The following PTPN3 variants were observed in gnomAD, a reference collection of about 807,000 sequenced individuals.
PTPN3 encodes the protein protein tyrosine phosphatase non-receptor type 3.
PTPN3 carries 96 observed loss-of-function variants against 132.7 expected under a neutral mutation model. The ratio of observed to expected loss-of-function variants is 0.72; its 90% confidence interval spans 0.61 to 0.86. The LOEUF is 0.86. Among genes scored for constraint, PTPN3 ranks in the 40% least tolerant of loss-of-function variants. The pLI is 0.00. For missense variants in PTPN3, 1,125 were observed against 1,159.6 expected (o/e 0.97, Z 0.43); for synonymous variants, 398 against 429.0 (o/e 0.93, Z 0.89).
chr9:109,405,215 A>C (rs913777135), intron 18 of PTPN3, among the ~76,000 whole-genome samples: 1 of 152,054 alleles, frequency 6.6e-6, no homozygotes, highest in Non-Finnish European at 1.5e-5. Context: ...CAAAGCTAGG[A>C]CCACCCCCCC....
chr9:109,498,981 C>G (rs1221900398), upstream of PTPN3, among the ~76,000 whole-genome samples: 1 of 152,138 alleles, frequency 6.6e-6, no homozygotes. The surrounding 1 kb of genome is among the most constrained non-coding windows in gnomAD (Gnocchi z 4.2). Flanking sequence ...TCGATTAGCC[C>G]TCTGCTCCTG....
intron 1 of PTPN3, among the ~76,000 whole-genome samples, chr9:109,485,514 A>AAAAT (rs967234592): frequency 6.6e-6 from 1 of 152,120 alleles, no homozygotes; most frequent in African/African-American, 2.4e-5. Context: ...TCTCAAGAAA[A>AAAAT]AAATAAATAA....
chr9:109,479,560 TG>T (rs1286796700), intron 1 of PTPN3, among the ~76,000 whole-genome samples: 1 of 152,240 alleles, frequency 6.6e-6, no homozygotes, highest in African/African-American at 2.4e-5. Flanking sequence ...CTGGGTCACA[TG>T]GTAGTTCTAT....
At chr9:109,511,462 C>T in the PTPN3 span, 2 of 153,548 alleles carry the variant, frequency 1.3e-5, no homozygotes, top group East Asian at 1.9e-4. Context: ...CATAGGACTT[C>T]GTTTTGCCAG....
chr9:109,377,439 C>CACACAG lies in PTPN3; in HGVS notation c.*2116_*2117insCTGTGT, dbSNP rs1838664938. On this transcript the variant is annotated 3_prime_UTR_variant, in exon 26 of 26. Coordinates refer to ENST00000374541, the MANE Select transcript of PTPN3 (RefSeq NM_002829.4). The stretch of plus-strand genomic sequence containing the variant: ...ACACACACACACACACACACACACA[C>CACACAG]ACACACACACACACACACAAGCCAG... The CACACAG allele has an allele frequency of 7.6e-6, 1 of 130,754 alleles. No homozygotes were observed. The highest frequency in any genetic ancestry group is 2.3e-4 in the East Asian group (1 of 4,348). 8.1% of individuals were successfully genotyped at this position (130,754 alleles called of 1,614,324 possible). A position where few individuals can be genotyped will look rare whatever the true frequency, so the allele number is the denominator to read the frequency against.
intron 12 of PTPN3, 136 bp downstream of exon 12, chr9:109,426,814 T>TG (rs1843313865): frequency 1.1e-6 from 1 of 952,030 alleles, no homozygotes; most frequent in African/African-American, 1.6e-5. Context: ...CTTTTAGTTA[T>TG]GGTTCAGAGA....
At chr9:109,483,149 T>C (rs1282080482) in intron 1 of PTPN3, among the ~76,000 whole-genome samples, 1 of 152,202 alleles carries the variant, frequency 6.6e-6, no homozygotes, top group African/African-American at 2.4e-5. Context: ...CATTCCCCCA[T>C]GGAGCCCTCC....
chr9:109,429,762 G>T (rs1843531463), intron 10 of PTPN3, among the ~76,000 whole-genome samples: 1 of 152,156 alleles, frequency 6.6e-6, no homozygotes, highest in Non-Finnish European at 1.5e-5. Flanking sequence ...TACACCAAGG[G>T]CTGACTATCA....
chr9:109,427,355 G>A (rs756866501), intron 11 of PTPN3, among the ~76,000 whole-genome samples: 3 of 152,170 alleles, frequency 2.0e-5, no homozygotes, highest in South Asian at 2.1e-4. Flanking sequence ...CATCATCTGC[G>A]CTTCTTCATG....
chr9:109,426,810 G>A (rs1843313125), intron 12 of PTPN3, 140 bp downstream of exon 12: 1 of 931,626 alleles, frequency 1.1e-6, no homozygotes, highest in Non-Finnish European at 1.6e-6. Context: ...GAGACTTTTA[G>A]TTATGGTTCA....
At chr9:109,499,552 C>T (rs77545950), upstream of PTPN3, among the ~76,000 whole-genome samples, 15 of 144,826 alleles carry the variant, frequency 1.0e-4, no homozygotes, top group Non-Finnish European at 2.2e-4. Flanking sequence ...GTCTTTACTG[C>T]AGTGACCCCC....
chr9:109,462,797 G>A (rs925550829), intron 2 of PTPN3, among the ~76,000 whole-genome samples: 1 of 151,988 alleles, frequency 6.6e-6, no homozygotes. Flanking sequence ...CACATTTAAC[G>A]AGCACATGCT....
Position 109,401,491 on chromosome 9 carries a change from A to T in PTPN3, c.1953+2957T>A, listed in dbSNP as rs186534653. Among the ~76,000 whole-genome samples the T allele has an allele frequency of 5.3e-5, 8 of 152,344 alleles. No homozygotes were observed. In the East Asian group the frequency reaches 1.2e-3, roughly 22 times the overall value. ...TCTCTAATGTCTTTGAAAACTTTTTAAAAAGTTGAACACTTTTCAAGGGAA... is the reference window on the plus strand; with the variant it reads ...TCTCTAATGTCTTTGAAAACTTTTTTAAAAGTTGAACACTTTTCAAGGGAA... On this transcript the variant is annotated intron_variant, in intron 19 of 25. Coordinates refer to ENST00000374541, the MANE Select transcript of PTPN3 (RefSeq NM_002829.4).
At chr9:109,434,504 C>T (rs1843887249) in intron 9 of PTPN3, among the ~76,000 whole-genome samples, 1 of 152,134 alleles carries the variant, frequency 6.6e-6, no homozygotes, top group African/African-American at 2.4e-5. Context: ...GATGGGGTCA[C>T]ACTATGTTGC....
At position 109,376,856 on chromosome 9, in the gene PTPN3, G is replaced by T. The variant is rs550977147; in HGVS notation, c.*2700C>A. On this transcript the variant is annotated 3_prime_UTR_variant, in exon 26 of 26. Transcript: ENST00000374541. ...CTCTTTTAGGTAATTCTCTTGTCTT[G>T]TTCTTCCCAGTATTTCCTGGATTTG... 13 of 152,328 alleles carry T rather than the reference G, an allele frequency of 8.5e-5. No homozygotes were observed. The highest frequency in any genetic ancestry group is 3.1e-4 in the African/African-American group (13 of 41,586). 9.4% of individuals were successfully genotyped at this position (152,328 alleles called of 1,614,324 possible). A position where few individuals can be genotyped will look rare whatever the true frequency, so the allele number is the denominator to read the frequency against.
chr9:109,386,907 G>A (rs1163513577), intron 22 of PTPN3, among the ~76,000 whole-genome samples: 1 of 152,208 alleles, frequency 6.6e-6, no homozygotes. Context: ...GGAGGCTGCT[G>A]CTGCTGCTCC....
chr9:109,438,698 T>C (rs1319997021), intron 7 of PTPN3, among the ~76,000 whole-genome samples: 1 of 152,070 alleles, frequency 6.6e-6, no homozygotes, highest in Admixed American at 6.5e-5. Flanking sequence ...AAAAACTGGG[T>C]GTAGGCAGAA....
At position 109,379,314 on chromosome 9, in the gene PTPN3, G is replaced by A. The variant is rs796945062; in HGVS notation, c.*242C>T. On this transcript the variant is annotated 3_prime_UTR_variant, in exon 26 of 26. Coordinates refer to ENST00000374541, the MANE Select transcript of PTPN3 (RefSeq NM_002829.4). ...AAGGCATTAGGACAGGCCCCAAACT[G>A]AGATCCTTTTTGTATCTTTCCATAG... 5.7e-5 allele frequency: 29 copies of A among 508,166 alleles called. 1 individual carries two copies. The highest frequency in any genetic ancestry group is 5.4e-4 in the African/African-American group (28 of 51,896). The allele number at this position is 508,166 out of a possible 1,614,324, so 31.5% of individuals were successfully genotyped here.
chr9:109,415,028 G>A (rs985668021), intron 14 of PTPN3, among the ~76,000 whole-genome samples: 3 of 151,726 alleles, frequency 2.0e-5, no homozygotes, highest in East Asian at 1.9e-4. Flanking sequence ...CCATTTGTCC[G>A]TCTGTCCGTC....
Sources: allele counts gnomAD v4.1 joint callset (sites outside exome capture counted in the v4.1 genomes callset), GRCh38; gene constraint gnomAD v4.1.1; non-coding constraint Gnocchi (gnomAD v3.1); transcripts MANE v1.5; gene names NCBI Gene and HGNC (gene_info 2026-07-23, HGNC 2026-07-21).